The following DSCAML1 variants were observed in gnomAD, a reference collection of about 807,000 sequenced individuals.
DSCAML1 encodes cell adhesion molecule DSCAML1.
DSCAML1 carries 38 observed loss-of-function variants against 200.5 expected under a neutral mutation model. The observed-to-expected ratio is 0.19, with a 90% confidence interval of 0.15 to 0.25. The LOEUF (loss-of-function observed/expected upper bound fraction) is 0.25, where lower values mean the gene tolerates loss of function less well. DSCAML1 is among the 10% of genes least tolerant of loss of function. The pLI is 1.00. For missense variants in DSCAML1, 2,223 were observed against 2,858.8 expected (o/e 0.78, Z 5.07); for synonymous variants, 1,215 against 1,165.0 (o/e 1.04, Z -0.87).
chr11:117,654,213 T>C (rs2052689751), intron 3 of DSCAML1, among the ~76,000 whole-genome samples: 1 of 152,144 alleles, frequency 6.6e-6, no homozygotes, highest in African/African-American at 2.4e-5. Flanking sequence ...TAGGGGGATG[T>C]TGGCCAGAGG....
intron 11 of DSCAML1, among the ~76,000 whole-genome samples, chr11:117,500,176 CTAAT>C (rs1438207497): frequency 6.6e-6 from 1 of 152,202 alleles, no homozygotes; most frequent in Non-Finnish European, 1.5e-5. Flanking sequence ...CCTTCAAGCC[CTAAT>C]TAGAGACTAT....
At chr11:117,814,319 G>A (rs1347695113) in intron 1 of DSCAML1, among the ~76,000 whole-genome samples, 3 of 152,186 alleles carry the variant, frequency 2.0e-5, no homozygotes, top group African/African-American at 7.2e-5. Flanking sequence ...CTCTTCACAC[G>A]GATGCGCATG....
Position 117,469,802 on chromosome 11 carries a change from G to T in DSCAML1, c.3024+108C>A. The T allele has an allele frequency of 1.0e-6, 1 of 967,502 alleles. No individual in the cohort carries two copies. The highest frequency in any genetic ancestry group is 1.5e-6 in the Non-Finnish European group (1 of 687,578). 59.9% of individuals were successfully genotyped at this position (967,502 alleles called of 1,614,324 possible). A position where few individuals can be genotyped will look rare whatever the true frequency, so the allele number is the denominator to read the frequency against. On this transcript the variant is annotated intron_variant, in intron 16 of 32. Transcript: ENST00000651296. The surrounding 1 kb of genome is among the most constrained non-coding windows in gnomAD (Gnocchi z 4.1). ...AGGTTTAGTGACAAAACAGACATGG[G>T]CATCATATAAGACTAGAGACTAGCA...
At chr11:117,620,344 G>A (rs2051902927) in intron 3 of DSCAML1, among the ~76,000 whole-genome samples, 1 of 151,946 alleles carries the variant, frequency 6.6e-6, no homozygotes, top group African/African-American at 2.4e-5. Flanking sequence ...TGTAAACACT[G>A]CCAGCTCTCT....
intron 1 of DSCAML1, among the ~76,000 whole-genome samples, chr11:117,793,484 A>G (rs910527551): frequency 3.3e-5 from 5 of 152,202 alleles, no homozygotes; most frequent in African/African-American, 9.7e-5. Context: ...AGCAAGTGGC[A>G]AGTGGCAAGG....
rs183741407 is a variant in DSCAML1, at chr11:117,583,481, G to A, written c.512-50959C>T. Among the ~76,000 whole-genome samples, 360 of 152,306 alleles carry A rather than the reference G, an allele frequency of 2.4e-3. 2 individuals carry two copies. Among genetic ancestry groups the A allele is most frequent in the Admixed American group, 0.012 (190 of 15,306 alleles). ...AATCTGAACGCCTGCCAGCCTTCTA[G>A]GCTCAGCTGCAGCCCCACCTCCTTG... On this transcript the variant is annotated intron_variant, in intron 3 of 32. Coordinates refer to ENST00000651296, the MANE Select transcript of DSCAML1 (RefSeq NM_020693.4).
At chr11:117,694,093 A>ATATT (rs1555199525) in intron 3 of DSCAML1, among the ~76,000 whole-genome samples, 6 of 146,372 alleles carry the variant, frequency 4.1e-5, no homozygotes, top group South Asian at 2.1e-4. Flanking sequence ...ATATATATAT[A>ATATT]TTTTTTAAAT....
intron 3 of DSCAML1, among the ~76,000 whole-genome samples, chr11:117,578,236 GA>G (rs59533726): frequency 6.6e-4 from 67 of 101,398 alleles, no homozygotes; most frequent in Admixed American, 1.0e-3. Flanking sequence ...ACTCTGTCTC[GA>G]AAAAAAAAAA....
rs762952889 is a variant in DSCAML1 at position 117,481,146 on chromosome 11, A to T, written c.2656+28T>A. On this transcript the variant is annotated intron_variant, in intron 13 of 32. Coordinates refer to ENST00000651296, the MANE Select transcript of DSCAML1 (RefSeq NM_020693.4). ...GGCCCCTGGGCCCTGGGGAGGTGGGATGGGAAGGGTGGGGCAGGTGAAGGT... is the reference window on the plus strand; with the variant it reads ...GGCCCCTGGGCCCTGGGGAGGTGGGTTGGGAAGGGTGGGGCAGGTGAAGGT... 3.1e-6 allele frequency: 5 copies of T among 1,606,558 alleles called. No individual in the cohort carries two copies. The East Asian group carries it at 1.1e-4, about 36-fold the overall frequency.
intron 3 of DSCAML1, among the ~76,000 whole-genome samples, chr11:117,552,125 G>C (rs2050478745): frequency 6.6e-6 from 1 of 151,946 alleles, no homozygotes; most frequent in African/African-American, 2.4e-5. Context: ...ATCGGGGTGG[G>C]CATGCACCTG....
At chr11:117,657,619 T>C (rs960402265) in intron 3 of DSCAML1, among the ~76,000 whole-genome samples, 17 of 152,212 alleles carry the variant, frequency 1.1e-4, no homozygotes, top group African/African-American at 4.1e-4. Flanking sequence ...ACCCCCATGC[T>C]TTCATCTACA....
intron 11 of DSCAML1, among the ~76,000 whole-genome samples, chr11:117,499,368 G>A (rs1411341945): frequency 6.6e-6 from 1 of 152,180 alleles, no homozygotes; most frequent in Non-Finnish European, 1.5e-5. Flanking sequence ...TGAGCTGGAA[G>A]GGAACTGGGG....
chr11:117,476,633 G>A (rs908823778), intron 14 of DSCAML1, among the ~76,000 whole-genome samples: 4 of 152,218 alleles, frequency 2.6e-5, no homozygotes, highest in Non-Finnish European at 5.9e-5. Flanking sequence ...GAACAGGGGC[G>A]AAATGTGGTG....
intron 18 of DSCAML1, among the ~76,000 whole-genome samples, 179 bp downstream of exon 18, chr11:117,461,271 T>C (rs2048477536): frequency 6.7e-6 from 1 of 148,326 alleles, no homozygotes. Context: ...CCTTCCTCAC[T>C]CTCCCCCGGC....
chr11:117,467,202 C>CCG (rs2048600020), intron 16 of DSCAML1, among the ~76,000 whole-genome samples: 2 of 134,158 alleles, frequency 1.5e-5, no homozygotes, highest in South Asian at 2.6e-4. Flanking sequence ...CACCTCCCCC[C>CCG]TCCCCCCGCC....
intron 3 of DSCAML1, among the ~76,000 whole-genome samples, chr11:117,755,533 C>T (rs2054673976): frequency 6.6e-6 from 1 of 152,244 alleles, no homozygotes; most frequent in Admixed American, 6.5e-5. Context: ...TTTCCTACCC[C>T]AGAGCTTCCT....
At position 117,467,108 on chromosome 11, in the gene DSCAML1, G is replaced by A. The variant is rs1226684604; in HGVS notation, c.3025-1926C>T. ...CGAATGGAGAAACTCCACTGGCATC[G>A]GTCTGGGGCTGGAAAACTCTCATCC... On this transcript the variant is annotated intron_variant, in intron 16 of 32. Transcript: ENST00000651296. 5.9e-5 allele frequency among the ~76,000 whole-genome samples: 6 copies of A among 101,132 alleles called. No homozygotes were observed. The East Asian group carries it at 1.5e-3, about 25-fold the overall frequency. 66.3% of individuals were successfully genotyped at this position (101,132 alleles called of 152,430 possible).
At chr11:117,641,087 T>C (rs891029220) in intron 3 of DSCAML1, among the ~76,000 whole-genome samples, 9 of 152,258 alleles carry the variant, frequency 5.9e-5, no homozygotes, top group African/African-American at 2.2e-4. Flanking sequence ...CCACTCCATC[T>C]GGCAGGGCAA....
intron 3 of DSCAML1, among the ~76,000 whole-genome samples, chr11:117,690,480 G>T (rs960516847): frequency 2.6e-5 from 4 of 152,262 alleles, no homozygotes; most frequent in Non-Finnish European, 5.9e-5. Context: ...GGATACAGCA[G>T]TGGCCACTGT....
Sources: allele counts gnomAD v4.1 joint callset (sites outside exome capture counted in the v4.1 genomes callset), GRCh38; gene constraint gnomAD v4.1.1; non-coding constraint Gnocchi (gnomAD v3.1); transcripts MANE v1.5; gene names NCBI Gene and HGNC (gene_info 2026-07-23, HGNC 2026-07-21).